Variants in LINGO2 observed in about 807,000 individuals in gnomAD.
The protein encoded by LINGO2 is leucine-rich repeat and immunoglobulin-like domain-containing nogo receptor-interacting protein 2.
LINGO2 carries 14 observed loss-of-function variants against 30.6 expected under a neutral mutation model. The observed-to-expected ratio is 0.46, with a 90% CI of 0.30 to 0.72. The LOEUF is 0.72. Among genes scored for constraint, LINGO2 ranks in the 30% least tolerant of loss-of-function variants. LINGO2 has a pLI of 0.07. For missense variants in LINGO2, 729 were observed against 751.7 expected (o/e 0.97, Z 0.35); for synonymous variants, 317 against 288.5 (o/e 1.10, Z -1.00).
intron 2 of LINGO2, among the ~76,000 whole-genome samples, chr9:28,473,125 T>C (rs1825591290): frequency 1.3e-5 from 2 of 152,132 alleles, no homozygotes; most frequent in Admixed American, 6.6e-5. Flanking sequence ...GAGATTGTGA[T>C]AAAAATCTAT....
At chr9:28,761,800 T>A in the LINGO2 span, among the ~76,000 whole-genome samples, 1 of 151,984 alleles carries the variant, frequency 6.6e-6, no homozygotes, top group African/African-American at 2.4e-5. Flanking sequence ...TAGGTAAAGT[T>A]AGGATGAACT....
intron 1 of LINGO2, among the ~76,000 whole-genome samples, chr9:28,634,462 C>T (rs1390677917): frequency 6.6e-6 from 1 of 150,598 alleles, no homozygotes; most frequent in Non-Finnish European, 1.5e-5. Flanking sequence ...CCTCCCCCCA[C>T]ACTTTCTTTC....
At chr9:28,412,185 G>GAA (rs59158472) in intron 2 of LINGO2, among the ~76,000 whole-genome samples, 40,564 of 119,430 alleles carry the variant, frequency 0.34, 7,195 homozygotes, top group Non-Finnish European at 0.39. Flanking sequence ...ACTTGTAAGT[G>GAA]AAAAAAAAAA....
intron 2 of LINGO2, among the ~76,000 whole-genome samples, chr9:28,408,617 T>G: frequency 8.4e-6 from 1 of 119,108 alleles, no homozygotes. Context: ...CCACGGACTG[T>G]TGTGGGGTGG....
the LINGO2 span, among the ~76,000 whole-genome samples, chr9:28,777,337 C>G: frequency 1.3e-5 from 2 of 152,030 alleles, no homozygotes; most frequent in Admixed American, 1.3e-4. Flanking sequence ...GAAACAATAC[C>G]TCTAAAACTG....
chr9:28,676,959 C>T, the LINGO2 span, among the ~76,000 whole-genome samples: 1 of 152,086 alleles, frequency 6.6e-6, no homozygotes, highest in Non-Finnish European at 1.5e-5. Flanking sequence ...AAATTACACA[C>T]AAACAAACAC....
intron 4 of LINGO2, among the ~76,000 whole-genome samples, chr9:28,288,148 C>T (rs565063424): frequency 6.6e-6 from 1 of 152,248 alleles, no homozygotes; most frequent in African/African-American, 2.4e-5. Context: ...TAAATGGCTT[C>T]ATTTTCACTT....
chr9:28,401,268 C>T (rs1822253318), intron 2 of LINGO2, among the ~76,000 whole-genome samples: 1 of 152,012 alleles, frequency 6.6e-6, no homozygotes, highest in Admixed American at 6.6e-5. Context: ...ATTGAGCCAT[C>T]CTCTAAGCTC....
At chr9:28,086,498 A>T (rs1309487667) in intron 4 of LINGO2, among the ~76,000 whole-genome samples, 1 of 152,124 alleles carries the variant, frequency 6.6e-6, no homozygotes, top group African/African-American at 2.4e-5. Context: ...ATTTCTGGGC[A>T]TATCCATGTG....
chr9:28,479,614 A>G (rs908079557), intron 1 of LINGO2, among the ~76,000 whole-genome samples: 20 of 151,832 alleles, frequency 1.3e-4, no homozygotes, highest in African/African-American at 4.8e-4. Context: ...AGACCCATGT[A>G]ATACATAAAT....
chr9:27,952,357 A>G (rs1394929093), intron 5 of LINGO2, among the ~76,000 whole-genome samples: 1 of 152,034 alleles, frequency 6.6e-6, no homozygotes, highest in Non-Finnish European at 1.5e-5. Context: ...GAGATGTACT[A>G]TGTAGAGAGA....
At chr9:28,782,841 T>C in the LINGO2 span, among the ~76,000 whole-genome samples, 1 of 152,168 alleles carries the variant, frequency 6.6e-6, no homozygotes. Flanking sequence ...GGCAATTTCA[T>C]CATTGTGCAA....
Position 28,321,779 on chromosome 9 carries a change from T to C in LINGO2, c.-245-26413A>G, listed in dbSNP as rs544319356. Among the ~76,000 whole-genome samples, 292 of 152,278 alleles carry C rather than the reference T, an allele frequency of 1.9e-3. 1 individual carries two copies. Among genetic ancestry groups the C allele is most frequent in the African/African-American group, 6.4e-3 (264 of 41,556 alleles). The stretch of plus-strand genomic sequence containing the variant: ...TATATGCTGAACATATTTTAGGTCA[T>C]GTCCTGGGTTGGGACAAGGTCAGGG... On this transcript the variant is annotated intron_variant, in intron 3 of 5. Coordinates refer to ENST00000379992, the Ensembl canonical transcript of LINGO2.
the LINGO2 span, among the ~76,000 whole-genome samples, chr9:29,043,750 G>A: frequency 6.6e-6 from 1 of 151,828 alleles, no homozygotes; most frequent in African/African-American, 2.4e-5. Flanking sequence ...TACTTCTATA[G>A]AAACATAAAA....
At chr9:28,268,913 A>C (rs930814667) in intron 4 of LINGO2, among the ~76,000 whole-genome samples, 1 of 152,076 alleles carries the variant, frequency 6.6e-6, no homozygotes, top group East Asian at 1.9e-4. Flanking sequence ...ACAAGTCTTG[A>C]GAGATTTTTC....
chr9:28,444,140 C>T (rs1448832510), intron 2 of LINGO2, among the ~76,000 whole-genome samples: 1 of 152,152 alleles, frequency 6.6e-6, no homozygotes, highest in Non-Finnish European at 1.5e-5. Flanking sequence ...TTGTCCATGT[C>T]TCCTCATTCT....
At chr9:27,942,084 G>A in the LINGO2 span, 4 of 152,144 alleles carry the variant, frequency 2.6e-5, no homozygotes, top group Non-Finnish European at 5.9e-5. Context: ...CTCCACAAAA[G>A]TAGAATATCT....
chr9:29,086,946 A>C, the LINGO2 span, among the ~76,000 whole-genome samples: 2 of 150,688 alleles, frequency 1.3e-5, no homozygotes, highest in Admixed American at 6.6e-5. Flanking sequence ...CAATGGCACA[A>C]TCTCTGCTCA....
At chr9:28,663,358 A>C (rs1295572422) in intron 1 of LINGO2, among the ~76,000 whole-genome samples, 1 of 152,072 alleles carries the variant, frequency 6.6e-6, no homozygotes, top group Non-Finnish European at 1.5e-5. Flanking sequence ...TCTAGTAGAG[A>C]TGGGGTATCA....
Sources: allele counts gnomAD v4.1 joint callset (sites outside exome capture counted in the v4.1 genomes callset), GRCh38; gene constraint gnomAD v4.1.1; transcripts MANE v1.5; gene names NCBI Gene and HGNC (gene_info 2026-07-23, HGNC 2026-07-21).